The following TOX variants were observed in gnomAD, a reference collection of about 807,000 sequenced individuals.
TOX encodes thymocyte selection associated high mobility group box.
TOX carries 11 observed loss-of-function variants against 53.7 expected under a neutral mutation model. The observed-to-expected ratio is 0.20, with a 90% confidence interval of 0.13 to 0.34. The LOEUF is 0.34. Among genes scored for constraint, TOX ranks in the 10% least tolerant of loss-of-function variants. TOX has a pLI of 1.00. For synonymous variants in TOX, 225 were observed against 245.3 expected (o/e 0.92, Z 0.77); for missense variants, 570 against 664.6 (o/e 0.86, Z 1.56).
chr8:58,862,614 C>A (rs1811030063), intron 3 of TOX, among the ~76,000 whole-genome samples: 2 of 152,028 alleles, frequency 1.3e-5, no homozygotes, highest in South Asian at 4.1e-4. Flanking sequence ...AGAGAATAGG[C>A]TTTCTTTCTG....
chr8:59,084,109 G>A (rs1804464589), intron 1 of TOX, among the ~76,000 whole-genome samples: 2 of 151,956 alleles, frequency 1.3e-5, no homozygotes, highest in Non-Finnish European at 1.5e-5. Flanking sequence ...CTGTATGACC[G>A]CACCGCAGAA....
At chr8:59,115,078 C>A (rs937388364) in intron 1 of TOX, among the ~76,000 whole-genome samples, 5 of 152,042 alleles carry the variant, frequency 3.3e-5, no homozygotes, top group African/African-American at 1.2e-4. Flanking sequence ...CTCTGTATAT[C>A]ACCAGCATGA....
intron 1 of TOX, among the ~76,000 whole-genome samples, chr8:59,021,220 C>G (rs1814122303): frequency 6.7e-6 from 1 of 149,952 alleles, no homozygotes; most frequent in African/African-American, 2.5e-5. Flanking sequence ...TTCATTCCAG[C>G]CTTTTTTTTT....
At chr8:59,030,616 A>G (rs548806488) in intron 1 of TOX, among the ~76,000 whole-genome samples, 25 of 152,278 alleles carry the variant, frequency 1.6e-4, no homozygotes, top group African/African-American at 4.6e-4. Context: ...TTGAAGGTCA[A>G]TGTTTTAGGC....
chr8:59,055,228 C>T (rs1803870147), intron 1 of TOX, among the ~76,000 whole-genome samples: 1 of 152,140 alleles, frequency 6.6e-6, no homozygotes. Context: ...AAACAGGCCC[C>T]AGGGGACAAG....
intron 1 of TOX, among the ~76,000 whole-genome samples, chr8:59,073,225 T>C (rs1804231287): frequency 1.3e-5 from 2 of 152,146 alleles, no homozygotes; most frequent in South Asian, 4.1e-4. Context: ...CATGTAAACC[T>C]CTATCTGCGC....
intron 1 of TOX, among the ~76,000 whole-genome samples, chr8:59,048,034 A>G (rs899546192): frequency 5.9e-5 from 9 of 152,198 alleles, no homozygotes; most frequent in Non-Finnish European, 8.8e-5. Context: ...CCTTCAGGAC[A>G]TATCTGAAGT....
At chr8:58,895,481 CAGA>C (rs1811629184) in intron 3 of TOX, among the ~76,000 whole-genome samples, 1 of 152,082 alleles carries the variant, frequency 6.6e-6, no homozygotes, top group Non-Finnish European at 1.5e-5. Context: ...CAAAGCTGTA[CAGA>C]AGAAGAGGAA....
At chr8:59,025,683 C>T (rs934983003) in intron 1 of TOX, among the ~76,000 whole-genome samples, 2 of 152,140 alleles carry the variant, frequency 1.3e-5, no homozygotes, top group Non-Finnish European at 2.9e-5. Flanking sequence ...CTTTCTTCTT[C>T]AAGGCCCAAC....
chr8:58,838,513 C>T (rs1452839191), intron 4 of TOX, among the ~76,000 whole-genome samples: 2 of 151,958 alleles, frequency 1.3e-5, no homozygotes, highest in Admixed American at 1.3e-4. Flanking sequence ...CATCCTACTC[C>T]CAACTTTACT....
chr8:59,094,171 A>C (rs1057342945), intron 1 of TOX, among the ~76,000 whole-genome samples: 6 of 152,232 alleles, frequency 3.9e-5, no homozygotes, highest in Non-Finnish European at 8.8e-5. Context: ...TGCTTAAATA[A>C]AAATAGTAAA....
At chr8:58,860,573 G>T (rs1434963534) in intron 3 of TOX, among the ~76,000 whole-genome samples, 1 of 152,146 alleles carries the variant, frequency 6.6e-6, no homozygotes, top group Non-Finnish European at 1.5e-5. Flanking sequence ...GTTCTCTTCG[G>T]TTATTATCCT....
chr8:58,998,534 T>TATATATATATATA (rs1554537351), intron 1 of TOX, among the ~76,000 whole-genome samples: 2 of 18,352 alleles, frequency 1.1e-4, no homozygotes, highest in Admixed American at 8.7e-4. Context: ...TATATATATA[T>TATATATATATATA]ATATAAATTT....
At chr8:58,911,350 A>G (rs1261706837) in intron 3 of TOX, among the ~76,000 whole-genome samples, 1 of 152,204 alleles carries the variant, frequency 6.6e-6, no homozygotes, top group Non-Finnish European at 1.5e-5. Flanking sequence ...AAATGAAAAT[A>G]TCTACATATA....
intron 3 of TOX, among the ~76,000 whole-genome samples, chr8:58,883,192 C>T (rs1349792838): frequency 6.6e-6 from 1 of 152,098 alleles, no homozygotes; most frequent in Non-Finnish European, 1.5e-5. Context: ...ATCTGAAGTC[C>T]CCACATTCTG....
At chr8:59,074,301 C>T (rs1305948284) in intron 1 of TOX, among the ~76,000 whole-genome samples, 1 of 152,086 alleles carries the variant, frequency 6.6e-6, no homozygotes, top group Non-Finnish European at 1.5e-5. Context: ...AAGAGAAATA[C>T]ATTTGCATTT....
Position 59,021,499 on chromosome 8 carries a change from T to TATATATATATATACAC in TOX, c.103-61492_103-61491insGTGTATATATATATAT, listed in dbSNP as rs1554539851. Among the ~76,000 whole-genome samples the TATATATATATATACAC allele has an allele frequency of 1.1e-3, 123 of 109,526 alleles. 5 individuals are homozygous for TATATATATATATACAC. Among genetic ancestry groups the TATATATATATATACAC allele is most frequent in the African/African-American group, 2.7e-3 (89 of 32,404 alleles). The allele number at this position is 109,526 out of a possible 152,430, so 71.9% of individuals were successfully genotyped here. A position where few individuals can be genotyped will look rare whatever the true frequency, so the allele number is the denominator to read the frequency against. On this transcript the variant is annotated intron_variant, in intron 1 of 8. Transcript: ENST00000361421. ...AAAAAAAAATATATATATATATATATGCACATATATACAATGTCAGATATA... is the reference window on the plus strand; with the variant it reads ...AAAAAAAAATATATATATATATATATATATATATATATACACGCACATATATACAATGTCAGATATA...
chr8:58,937,369 G>C (rs1021641397), intron 3 of TOX, among the ~76,000 whole-genome samples: 1 of 152,326 alleles, frequency 6.6e-6, no homozygotes, highest in Non-Finnish European at 1.5e-5. Context: ...GGTGGGCAGA[G>C]AGCATAAGGA....
In TOX at chr8:58,949,923, A is replaced by G. The variant is rs545776962; in HGVS notation, c.168+10020T>C. ...TCATATACACGTGTAATATACAATTACATGTGTATAGTTCATATACACGTG... is the reference window on the plus strand; with the variant it reads ...TCATATACACGTGTAATATACAATTGCATGTGTATAGTTCATATACACGTG... On this transcript the variant is annotated intron_variant, in intron 2 of 8. Coordinates refer to ENST00000361421, the MANE Select transcript of TOX (RefSeq NM_014729.3). Among the ~76,000 whole-genome samples, 723 of 138,394 alleles carry G rather than the reference A, an allele frequency of 5.2e-3. 5 individuals carry two copies. The highest frequency in any genetic ancestry group is 8.2e-3 in the African/African-American group (308 of 37,620). 90.8% of individuals were successfully genotyped at this position (138,394 alleles called of 152,430 possible).
Sources: gnomAD v4.1 joint callset for allele counts (sites outside exome capture counted in the v4.1 genomes callset) on GRCh38, gnomAD v4.1.1 for gene constraint, MANE v1.5 for transcripts, NCBI Gene and HGNC (gene_info 2026-07-23, HGNC 2026-07-21) for gene names.